Variants in MAGED2 observed in about 807,000 individuals in gnomAD.
MAGED2 encodes the protein melanoma-associated antigen D2.
A neutral mutation model predicts 41.7 loss-of-function variants in MAGED2; 6 were observed. The observed-to-expected ratio is 0.14, with a 90% CI of 0.08 to 0.28. MAGED2 has a LOEUF of 0.28. Among genes scored for constraint, MAGED2 ranks in the 10% least tolerant of loss-of-function variants. The probability of loss-of-function intolerance (pLI) is 1.00; values close to 1 mark genes in which losing one functional copy is unlikely to be tolerated. For synonymous variants in MAGED2, 146 were observed against 178.2 expected, an observed-to-expected ratio of 0.82 and a Z score of 1.44; for missense variants, 343 against 486.4, an observed-to-expected ratio of 0.71 and a Z score of 2.77.
chrX:54,813,641 CTA>C, intron 10 of MAGED2, 91 bp downstream of exon 10: 6 of 745,791 alleles, frequency 8.0e-6, no homozygotes, highest in Non-Finnish European at 1.2e-5. Context: ...ATGCATGTGT[CTA>C]TGTGTGTATG....
Position 54,815,442 on chromosome X carries a change from C to T in MAGED2, c.1581C>T (p.Ala527=), listed in dbSNP as rs146407393. ...ACGAAGCTGATATCGGACCCTGGGC[C>T]AAAGCCCGGATCCAGGCGGGAGCAG... is the stretch of plus-strand genomic sequence containing the variant. ...NWDEADIGPW[A]KARIQAGAEA... Residue 527 remains alanine, a synonymous_variant, in exon 12 of 13, where the codon GCC becomes GCT. Transcript: ENST00000375068. The T allele has an allele frequency of 4.1e-6, 5 of 1,204,909 alleles. No homozygotes were observed. The highest frequency in any genetic ancestry group is 5.6e-6 in the Non-Finnish European group (5 of 892,027).
chrX:54,814,278 C>T lies in MAGED2; in HGVS notation c.1272-383C>T, dbSNP rs1007826869. ...AATTCAGCATGTGTGAAGCATGCTG[C>T]TATTGGCTGTTCTTCCTCTGTAGTC... On this transcript the variant is annotated intron_variant, in intron 10 of 12. Coordinates refer to ENST00000375068, the MANE Select transcript of MAGED2 (RefSeq NM_177433.3). 38 of 348,092 alleles carry T rather than the reference C, an allele frequency of 1.1e-4. 1 individual carries two copies. Among genetic ancestry groups the T allele is most frequent in the South Asian group, 9.9e-4 (36 of 36,319 alleles). The allele number at this position is 348,092 out of a possible 1,213,427, so 28.7% of individuals were successfully genotyped here.
In MAGED2 at chrX:54,810,871, T is replaced by G. The variant is rs1341438480; in HGVS notation, c.588T>G (p.Ala196=). The G allele has an allele frequency of 1.7e-6, 2 of 1,197,583 alleles. No individual in the cohort carries two copies. The highest frequency in any genetic ancestry group is 3.5e-5 in the African/African-American group (2 of 56,857). ...EEDGSSDQSQ[A]SGTTGGRRVS... is the part of the protein sequence containing the mutation. ...ATGGCAGCAGTGATCAGAGTCAGGC[T>G]TCTGGAACCACAGGTGGCCGAAGGG... The change falls in exon 4 of 13, where the codon GCT becomes GCG. Residue 196 remains alanine, a synonymous_variant. Coordinates refer to ENST00000375068, the MANE Select transcript of MAGED2 (RefSeq NM_177433.3).
At chrX:54,812,836 A>C in intron 7 of MAGED2, 109 bp from the exon 8 acceptor site, 31 of 552,063 alleles carry the variant, frequency 5.6e-5, no homozygotes, top group Non-Finnish European at 9.0e-5. Flanking sequence ...GAGACTGGGT[A>C]GAATTCTGTA....
intron 11 of MAGED2, 93 bp from the exon 12 acceptor site, chrX:54,815,155 A>T (rs913774002): frequency 9.4e-7 from 1 of 1,063,880 alleles, no homozygotes; most frequent in Non-Finnish European, 1.3e-6. Context: ...TAATCCTCTT[A>T]TGCTCCTTCT....
chrX:54,812,552 C>T (rs1220216123), intron 7 of MAGED2, among the ~76,000 whole-genome samples: 1 of 111,562 alleles, frequency 9.0e-6, no homozygotes, highest in Non-Finnish European at 1.9e-5. Flanking sequence ...GGTGCCTGGC[C>T]TGGCTTTGGC....
intron 7 of MAGED2, among the ~76,000 whole-genome samples, chrX:54,812,532 C>T (rs1315717008): frequency 8.9e-6 from 1 of 111,818 alleles, no homozygotes; most frequent in Non-Finnish European, 1.9e-5. Context: ...TTGCTTGCCT[C>T]TTCCTACTGG....
At chrX:54,814,830 T>C in intron 11 of MAGED2, 55 bp downstream of exon 11, 1 of 895,333 alleles carries the variant, frequency 1.1e-6, no homozygotes, top group Non-Finnish European at 1.6e-6. Flanking sequence ...TGCCCCTGGC[T>C]GGGGCAGGCT....
chrX:54,809,613 C>T, intron 2 of MAGED2, 109 bp from the exon 3 acceptor site: 2 of 1,116,409 alleles, frequency 1.8e-6, no homozygotes, highest in Non-Finnish European at 2.4e-6. Context: ...GAGCACACCG[C>T]AGGTAGGAGT....
At chrX:54,813,573 CAT>C (rs1345120259) in intron 10 of MAGED2, 23 bp downstream of exon 10, 1 of 1,166,056 alleles carries the variant, frequency 8.6e-7, no homozygotes, top group Admixed American at 2.2e-5. Context: ...GTCTGGTGTT[CAT>C]GTGTCCCATG....
rs1398570528 is a variant in MAGED2 at position 54,815,900 on chromosome X, TC to T, written c.*29del. The T allele has an allele frequency of 2.5e-6, 1 of 407,802 alleles. No homozygotes were observed. Among genetic ancestry groups the T allele is most frequent in the Non-Finnish European group, 4.2e-6 (1 of 237,414 alleles). 33.6% of individuals were successfully genotyped at this position (407,802 alleles called of 1,213,427 possible). Reference sequence around the variant, plus strand: ...TTTCAGATATTGTTAATCCTGCCAGTCTTTCTCTTCAAGCCAGGGTGCATCC... The same window carrying T: ...TTTCAGATATTGTTAATCCTGCCAGTTTTCTCTTCAAGCCAGGGTGCATCC... On this transcript the variant is annotated 3_prime_UTR_variant, in exon 13 of 13. Coordinates refer to ENST00000375068, the MANE Select transcript of MAGED2 (RefSeq NM_177433.3).
At chrX:54,812,062 T>C (rs1478200957) in intron 6 of MAGED2, 95 bp from the exon 7 acceptor site, 4 of 529,055 alleles carry the variant, frequency 7.6e-6, no homozygotes, top group Admixed American at 2.7e-5. Context: ...CTCACTGATT[T>C]CTCACACATG....
Position 54,815,377 on chromosome X carries a change from G to C in MAGED2, c.1516G>C (p.Gly506Arg). 2.5e-6 allele frequency: 3 copies of C among 1,210,401 alleles called. No individual in the cohort carries two copies. Among genetic ancestry groups the C allele is most frequent in the Non-Finnish European group, 3.4e-6 (3 of 894,352 alleles). Residue 506 changes from glycine to arginine, a missense_variant, in exon 12 of 13, where the codon GGG becomes CGG. Gly to Arg is a moderately radical substitution (Grantham distance 125). Coordinates refer to ENST00000375068, the MANE Select transcript of MAGED2 (RefSeq NM_177433.3). ...RAEIRARMGI[G>R]LGSENAAGPC... Reference sequence around the variant, plus strand: ...CGAGATTAGAGCTCGAATGGGCATTGGGCTCGGCTCGGAGAATGCTGCCGG... The same window carrying C: ...CGAGATTAGAGCTCGAATGGGCATTCGGCTCGGCTCGGAGAATGCTGCCGG...
chrX:54,813,163 A>G lies in MAGED2; in HGVS notation c.1208+3A>G. On this transcript the variant is annotated splice_donor_region_variant and intron_variant, in intron 9 of 12. Coordinates refer to ENST00000375068, the MANE Select transcript of MAGED2 (RefSeq NM_177433.3). Reference sequence around the variant, plus strand: ...CGCAAGTTGGGGCTGCGCCCTGGGTATGATTGGGCTCTCTCAGCGCTTGCT... The same window carrying G: ...CGCAAGTTGGGGCTGCGCCCTGGGTGTGATTGGGCTCTCTCAGCGCTTGCT... 1 of 1,210,693 alleles carries G rather than the reference A, an allele frequency of 8.3e-7. No individual in the cohort carries two copies. The highest frequency in any genetic ancestry group is 1.1e-6 in the Non-Finnish European group (1 of 895,506).
intron 1 of MAGED2, chrX:54,808,342 G>C (rs1929678162): frequency 9.0e-6 from 1 of 111,437 alleles, no homozygotes; most frequent in Non-Finnish European, 1.9e-5. Context: ...AAAGGGGCGG[G>C]ACCACTTCCG....
In MAGED2 at chrX:54,809,346, C is replaced by G; in HGVS notation, c.15C>G (p.Ser5Arg). The change falls in exon 2 of 13, where the codon AGC (serine) becomes AGG (arginine). Residue 5 changes from serine to arginine, a missense_variant. Around this residue, in one of 3 missense-constraint regions of MAGED2, gnomAD observed 195 missense variants for 221.2 expected, o/e 0.88. Coordinates refer to ENST00000375068, the MANE Select transcript of MAGED2 (RefSeq NM_177433.3). MSDTSESGAGLTRFQ... is the reference protein window; with the variant it reads MSDTRESGAGLTRFQ... ...CAAATTGAGACATGTCTGACACAAGCGAGAGTGGTGCAGGTCTAACTCGCT... is the reference window on the plus strand; with the variant it reads ...CAAATTGAGACATGTCTGACACAAGGGAGAGTGGTGCAGGTCTAACTCGCT... The G allele has an allele frequency of 1.7e-6, 2 of 1,211,183 alleles. No homozygotes were observed. Among genetic ancestry groups the G allele is most frequent in the Non-Finnish European group, 2.2e-6 (2 of 895,063 alleles).
chrX:54,810,866 C>G lies in MAGED2; in HGVS notation c.583C>G (p.Gln195Glu), dbSNP rs2147632250. The G allele has an allele frequency of 6.7e-6, 8 of 1,196,942 alleles. No homozygotes were observed. The South Asian group carries it at 1.4e-4, about 22-fold the overall frequency. The change falls in exon 4 of 13, where the codon CAG (glutamine) becomes GAG (glutamate). Residue 195 changes from glutamine (Q) to glutamate (E), a missense_variant. Physicochemically the swap from Gln to Glu is conservative, Grantham distance 29 (BLOSUM62 2). Transcript: ENST00000375068. ...GEEDGSSDQS[Q>E]ASGTTGGRRV... Reference sequence around the variant, plus strand: ...AGAGGATGGCAGCAGTGATCAGAGTCAGGCTTCTGGAACCACAGGTGGCCG... The same window carrying G: ...AGAGGATGGCAGCAGTGATCAGAGTGAGGCTTCTGGAACCACAGGTGGCCG...
chrX:54,812,151 C>A lies in MAGED2; in HGVS notation c.991-6C>A. 1 of 1,125,368 alleles carries A rather than the reference C, an allele frequency of 8.9e-7. No homozygotes were observed. Among genetic ancestry groups the A allele is most frequent in the Non-Finnish European group, 1.2e-6 (1 of 817,911 alleles). 92.7% of individuals were successfully genotyped at this position (1,125,368 alleles called of 1,213,427 possible). A position where few individuals can be genotyped will look rare whatever the true frequency, so the allele number is the denominator to read the frequency against. On this transcript the variant is annotated splice_region_variant and splice_polypyrimidine_tract_variant and intron_variant, in intron 6 of 12. Transcript: ENST00000375068. ...TCATCTCACAAGCTGTTCTCCCCAT[C>A]CACAGGTATTTGGGATTCAATTGAA...
At chrX:54,812,057 T>C (rs1929823799) in intron 6 of MAGED2, 100 bp from the exon 7 acceptor site, 1 of 521,486 alleles carries the variant, frequency 1.9e-6, no homozygotes, top group Non-Finnish European at 3.5e-6. Flanking sequence ...ATTATCTCAC[T>C]GATTTCTCAC....
Sources: allele counts gnomAD v4.1 joint callset (sites outside exome capture counted in the v4.1 genomes callset), GRCh38; gene constraint gnomAD v4.1.1; regional missense constraint gnomAD v4.1.1; transcripts MANE v1.5; gene names NCBI Gene and HGNC (gene_info 2026-07-23, HGNC 2026-07-21).